PCM1: variants seen among roughly 807,000 people sequenced by gnomAD.
PCM1 encodes pericentriolar material 1 protein.
Under a neutral mutation model 241.9 loss-of-function variants are expected in PCM1, and 157 were observed. That is an observed-to-expected ratio of 0.65 (90% CI 0.57 to 0.74). PCM1 has a LOEUF of 0.74. PCM1 is among the 30% of genes least tolerant of loss of function. PCM1 has a pLI of 0.00. For synonymous variants in PCM1, 1,085 were observed against 784.9 expected, an observed-to-expected ratio of 1.38 and a Z score of -6.39; for missense variants, 3,478 against 2,360.1, an observed-to-expected ratio of 1.47 and a Z score of -9.81.
intron 6 of PCM1, among the ~76,000 whole-genome samples, chr8:17,946,332 A>T (rs1338549730): frequency 2.0e-5 from 3 of 152,196 alleles, no homozygotes; most frequent in African/African-American, 4.8e-5. Flanking sequence ...TTATTTTCTT[A>T]GATGTCTGAT....
chr8:17,956,883 T>C, intron 11 of PCM1, 106 bp downstream of exon 11: 1 of 909,270 alleles, frequency 1.1e-6, no homozygotes, highest in Non-Finnish European at 1.7e-6. Flanking sequence ...TTGCCTTTTA[T>C]TTAAGCTTTC....
chr8:17,966,776 C>T (rs57100364), intron 20 of PCM1, among the ~76,000 whole-genome samples: 25 of 152,306 alleles, frequency 1.6e-4, no homozygotes, highest in African/African-American at 5.5e-4. Context: ...TACCGACTGT[C>T]GGACAGAAGT....
intron 17 of PCM1, 130 bp from the exon 18 acceptor site, chr8:17,964,438 T>C (rs924724937): frequency 2.3e-5 from 15 of 643,974 alleles, no homozygotes; most frequent in African/African-American, 3.6e-5. Context: ...AGCATAGTTA[T>C]TGTGATTAAA....
At chr8:17,945,181 A>C (rs972212760) in intron 6 of PCM1, among the ~76,000 whole-genome samples, 1 of 152,082 alleles carries the variant, frequency 6.6e-6, no homozygotes, top group Non-Finnish European at 1.5e-5. Context: ...AATTATCCCT[A>C]CCCTTCAAAG....
intron 11 of PCM1, 28 bp from the exon 12 acceptor site, chr8:17,957,236 T>C (rs2068974501): frequency 1.9e-6 from 3 of 1,542,816 alleles, no homozygotes; most frequent in East Asian, 2.3e-5. Flanking sequence ...GTGCCTTAAA[T>C]GACTTCAGGC....
chr8:17,967,206 G>A, intron 21 of PCM1, 36 bp downstream of exon 21: 1 of 1,469,284 alleles, frequency 6.8e-7, no homozygotes, highest in Non-Finnish European at 9.3e-7. Context: ...ATAAATAAAA[G>A]CAAAGTGTTT....
At chr8:18,000,124 G>A (rs1201511036) in intron 29 of PCM1, among the ~76,000 whole-genome samples, 1 of 152,188 alleles carries the variant, frequency 6.6e-6, no homozygotes, top group Non-Finnish European at 1.5e-5. Flanking sequence ...CATTTAAGTA[G>A]AGATGTGACT....
chr8:17,965,740 T>G (rs2074609997), intron 18 of PCM1, among the ~76,000 whole-genome samples: 1 of 152,242 alleles, frequency 6.6e-6, no homozygotes, highest in South Asian at 2.1e-4. Context: ...ATAAATATTT[T>G]TATTTTGCAG....
At position 18,027,840 on chromosome 8, in the gene PCM1, G is replaced by T. The variant is rs982192093; in HGVS notation, c.*178G>T. ...AACATCAGAAACTGAATTCTGGACA[G>T]ATTTAAGCCTTGACACACTGTGTTT... On this transcript the variant is annotated 3_prime_UTR_variant, in exon 39 of 39. Coordinates refer to ENST00000325083, the MANE Select transcript of PCM1 (RefSeq NM_006197.4). 5 of 412,666 alleles carry T rather than the reference G, an allele frequency of 1.2e-5. No individual in the cohort carries two copies. The East Asian group carries it at 1.8e-4, about 15-fold the overall frequency. The allele number at this position is 412,666 out of a possible 1,614,324, so 25.6% of individuals were successfully genotyped here.
chr8:18,017,182 C>T (rs149187414), intron 36 of PCM1, among the ~76,000 whole-genome samples: 188 of 152,274 alleles, frequency 1.2e-3, no homozygotes, highest in African/African-American at 4.2e-3. Flanking sequence ...CATGGTCTTT[C>T]CACAAAAGAT....
At chr8:17,938,304 T>G (rs2061023229) in intron 4 of PCM1, among the ~76,000 whole-genome samples, 1 of 152,178 alleles carries the variant, frequency 6.6e-6, no homozygotes, top group African/African-American at 2.4e-5. Flanking sequence ...TTGTATAAGA[T>G]TACCTTCAGA....
Position 17,957,536 on chromosome 8 carries a change from G to C in PCM1, c.1805-4G>C, listed in dbSNP as rs2069166279. On this transcript the variant is annotated splice_region_variant and splice_polypyrimidine_tract_variant and intron_variant, in intron 12 of 38. Coordinates refer to ENST00000325083, the MANE Select transcript of PCM1 (RefSeq NM_006197.4). ...CTGGTTTTAATTATACATGTTTTCAGCAGATTGTCGATATAATAGAGAAGG... is the reference window on the plus strand; with the variant it reads ...CTGGTTTTAATTATACATGTTTTCACCAGATTGTCGATATAATAGAGAAGG... 4.4e-6 allele frequency: 7 copies of C among 1,591,044 alleles called. No individual in the cohort carries two copies. The highest frequency in any genetic ancestry group is 6.0e-6 in the Non-Finnish European group (7 of 1,166,514).
At chr8:17,939,375 A>AACAATATTATG (rs1563712653) in intron 5 of PCM1, among the ~76,000 whole-genome samples, 4 of 151,938 alleles carry the variant, frequency 2.6e-5, no homozygotes, top group African/African-American at 9.6e-5. Flanking sequence ...TAATTAATTT[A>AACAATATTATG]TAAACATTAG....
chr8:17,965,388 A>AC (rs2074438628), intron 18 of PCM1, among the ~76,000 whole-genome samples: 2 of 152,222 alleles, frequency 1.3e-5, no homozygotes, highest in African/African-American at 2.4e-5. Context: ...ATAACAAAAG[A>AC]CATTATCACT....
At chr8:18,007,373 C>G (rs899885398) in intron 30 of PCM1, among the ~76,000 whole-genome samples, 18 of 152,244 alleles carry the variant, frequency 1.2e-4, no homozygotes, top group African/African-American at 4.1e-4. Flanking sequence ...GACAAATTGT[C>G]CTGGCCCCGT....
intron 24 of PCM1, chr8:17,982,506 T>C (rs906526207): frequency 2.6e-5 from 4 of 152,162 alleles, no homozygotes; most frequent in African/African-American, 9.7e-5. Flanking sequence ...AAAAAAAATT[T>C]TTTTTTGAGA....
chr8:18,011,469 G>C (rs2092496018), intron 33 of PCM1, 103 bp downstream of exon 33: 16 of 1,169,700 alleles, frequency 1.4e-5, no homozygotes, highest in Middle Eastern at 2.7e-4. Context: ...AAGTGTCAAA[G>C]AACTCTGATT....
rs1297869777 is a variant in PCM1, at chr8:18,025,229, A to G, written c.5842-132A>G. The G allele has an allele frequency of 5.4e-5, 29 of 534,186 alleles. No individual in the cohort carries two copies. The South Asian group carries it at 5.9e-4, about 11-fold the overall frequency. The allele number at this position is 534,186 out of a possible 1,614,324, so 33.1% of individuals were successfully genotyped here. On this transcript the variant is annotated intron_variant, in intron 36 of 38. Coordinates refer to ENST00000325083, the MANE Select transcript of PCM1 (RefSeq NM_006197.4). ...TTTTCCTATGAACTGCATATTTCTA[A>G]ATTATTCATAGAGCTGAATGTAGAA...
At chr8:17,988,159 C>T (rs2083246786) in intron 26 of PCM1, among the ~76,000 whole-genome samples, 1 of 151,738 alleles carries the variant, frequency 6.6e-6, no homozygotes, top group Non-Finnish European at 1.5e-5. Context: ...GGTAAAAGCA[C>T]ATCTGTCTTG....
Sources: allele counts gnomAD v4.1 joint callset (sites outside exome capture counted in the v4.1 genomes callset), GRCh38; gene constraint gnomAD v4.1.1; transcripts MANE v1.5; gene names NCBI Gene and HGNC (gene_info 2026-07-23, HGNC 2026-07-21).